NIPSNAP3B: variants seen among roughly 807,000 people sequenced by gnomAD.
NIPSNAP3B encodes the protein protein NipSnap homolog 3B.
In NIPSNAP3B, 30 loss-of-function variants were observed where a neutral mutation model predicts 31.5. The observed-to-expected ratio is 0.95, with a 90% CI of 0.71 to 1.29. NIPSNAP3B has a LOEUF of 1.29. NIPSNAP3B is among the 50% of genes most tolerant of loss of function. The pLI is 0.00. For missense variants in NIPSNAP3B, 269 were observed against 300.7 expected (o/e 0.89, Z 0.78); for synonymous variants, 106 against 107.9 (o/e 0.98, Z 0.11).
In NIPSNAP3B at chr9:104,770,941, T is replaced by C. The variant is rs1431482504; in HGVS notation, c.523T>C (p.Leu175=). 6.2e-7 allele frequency: 1 copy of C among 1,614,004 alleles called. No individual in the cohort carries two copies. The highest frequency in any genetic ancestry group is 1.1e-5 in the South Asian group (1 of 91,078). The change falls in exon 4 of 6, where the codon TTA becomes CTA. Residue 175 remains leucine (L), a synonymous_variant. Coordinates refer to ENST00000374762, the MANE Select transcript of NIPSNAP3B (RefSeq NM_018376.4). Reference sequence around the variant, plus strand: ...AAGAGCAATTAATGCCCATGTCAATTTAGGCTACACAAAAGTAGTTGGTGT... The same window carrying C: ...AAGAGCAATTAATGCCCATGTCAATCTAGGCTACACAAAAGTAGTTGGTGT... The part of the protein sequence containing the change: ...FERAINAHVN[L]GYTKVVGVFH...
the NIPSNAP3B span, chr9:104,788,653 T>C: frequency 1.3e-6 from 2 of 1,482,544 alleles, no homozygotes; most frequent in Non-Finnish European, 1.9e-6. Context: ...CTGTAAAGTA[T>C]GCTTCTCCAT....
At chr9:104,784,462 A>G in the NIPSNAP3B span, 2 of 1,613,920 alleles carry the variant, frequency 1.2e-6, no homozygotes, top group Non-Finnish European at 1.7e-6. Context: ...ATACCTGTTA[A>G]AAGATTAAGA....
chr9:104,787,759 G>C, the NIPSNAP3B span: 1 of 903,522 alleles, frequency 1.1e-6, no homozygotes, highest in Non-Finnish European at 1.3e-6. Context: ...ACCCCAGTGT[G>C]TGCCAAGGGA....
In NIPSNAP3B at chr9:104,777,718, A is replaced by G. The variant is rs796323024; in HGVS notation, c.*4645A>G. 2.6e-5 allele frequency among the ~76,000 whole-genome samples: 4 copies of G among 152,330 alleles called. No homozygotes were observed. Among genetic ancestry groups the G allele is most frequent in the African/African-American group, 9.6e-5 (4 of 41,570 alleles). ...ACGATGATGCCCAGGTGCAGCCTAT[A>G]TTATTAACAGACAAGGAAAGAATCC... On this transcript the variant is annotated 3_prime_UTR_variant, in exon 6 of 6. Coordinates refer to ENST00000374762, the MANE Select transcript of NIPSNAP3B (RefSeq NM_018376.4).
downstream of NIPSNAP3B, among the ~76,000 whole-genome samples, chr9:104,778,274 A>G (rs541537851): frequency 1.8e-3 from 276 of 152,156 alleles, no homozygotes; most frequent in Non-Finnish European, 2.9e-3. Context: ...CTTGTTGCCC[A>G]GGCTGGAGTG....
intron 2 of NIPSNAP3B, 143 bp downstream of exon 2, chr9:104,766,678 T>A (rs541284742): frequency 1.3e-6 from 1 of 750,830 alleles, no homozygotes; most frequent in South Asian, 1.8e-5. Context: ...AAAAATAAAT[T>A]TAGCAGATCT....
chr9:104,785,507 G>A, the NIPSNAP3B span: 6 of 1,614,026 alleles, frequency 3.7e-6, no homozygotes, highest in Non-Finnish European at 5.1e-6. Context: ...ATGGAAGCTG[G>A]TATTGTAGCA....
Position 104,773,553 on chromosome 9 carries a change from G to T in NIPSNAP3B, c.*480G>T. 1 of 152,894 alleles carries T rather than the reference G, an allele frequency of 6.5e-6. No individual in the cohort carries two copies. Among genetic ancestry groups the T allele is most frequent in the Non-Finnish European group, 1.5e-5 (1 of 68,536 alleles). 9.5% of individuals were successfully genotyped at this position (152,894 alleles called of 1,614,324 possible). On this transcript the variant is annotated 3_prime_UTR_variant, in exon 6 of 6. Coordinates refer to ENST00000374762, the MANE Select transcript of NIPSNAP3B (RefSeq NM_018376.4). ...TAAAATGGGATTTATAAAAATATTAGATTGTTTATTTCTTTACTGTGGAAA... is the reference window on the plus strand; with the variant it reads ...TAAAATGGGATTTATAAAAATATTATATTGTTTATTTCTTTACTGTGGAAA...
Position 104,776,380 on chromosome 9 carries a change from A to G in NIPSNAP3B, c.*3307A>G, listed in dbSNP as rs1399072736. Among the ~76,000 whole-genome samples the G allele has an allele frequency of 8.8e-5, 9 of 102,326 alleles. No individual in the cohort carries two copies. The highest frequency in any genetic ancestry group is 1.6e-4 in the Non-Finnish European group (8 of 48,816). 67.1% of individuals were successfully genotyped at this position (102,326 alleles called of 152,430 possible). ...TCCCACAGTGGCCCCTATCTGCTAGAGACTGAATGTTTTTGTCCCCCCAAA... is the reference window on the plus strand; with the variant it reads ...TCCCACAGTGGCCCCTATCTGCTAGGGACTGAATGTTTTTGTCCCCCCAAA... On this transcript the variant is annotated 3_prime_UTR_variant, in exon 6 of 6. Transcript: ENST00000374762.
chr9:104,789,684 A>G, the NIPSNAP3B span, among the ~76,000 whole-genome samples: 1 of 152,354 alleles, frequency 6.6e-6, no homozygotes, highest in South Asian at 2.1e-4. Flanking sequence ...TTTAGGTTAT[A>G]CATGTGTCTA....
In NIPSNAP3B at chr9:104,775,243, A is replaced by C. The variant is rs545770716; in HGVS notation, c.*2170A>C. On this transcript the variant is annotated 3_prime_UTR_variant, in exon 6 of 6. Coordinates refer to ENST00000374762, the MANE Select transcript of NIPSNAP3B (RefSeq NM_018376.4). ...CCCCATTTTTTTCCTTTACAATATG[A>C]CTCAAAAGAGTAGTTCATACTTCCT... 1.7e-4 allele frequency among the ~76,000 whole-genome samples: 26 copies of C among 151,254 alleles called. 1 individual carries two copies. Among genetic ancestry groups the C allele is most frequent in the South Asian group, 1.7e-3 (8 of 4,774 alleles).
rs1828337039 is a variant in NIPSNAP3B, at chr9:104,776,395, G to T, written c.*3322G>T. On this transcript the variant is annotated 3_prime_UTR_variant, in exon 6 of 6. Transcript: ENST00000374762. ...TATCTGCTAGAGACTGAATGTTTTTGTCCCCCCAAAATTCCTATGTTGAAG... is the reference window on the plus strand; with the variant it reads ...TATCTGCTAGAGACTGAATGTTTTTTTCCCCCCAAAATTCCTATGTTGAAG... Among the ~76,000 whole-genome samples, 1 of 53,004 alleles carries T rather than the reference G, an allele frequency of 1.9e-5. No homozygotes were observed. Among genetic ancestry groups the T allele is most frequent in the African/African-American group, 7.1e-5 (1 of 13,994 alleles). The allele number at this position is 53,004 out of a possible 152,430, so 34.8% of individuals were successfully genotyped here. A position where few individuals can be genotyped will look rare whatever the true frequency, so the allele number is the denominator to read the frequency against.
the NIPSNAP3B span, among the ~76,000 whole-genome samples, chr9:104,786,056 A>G: frequency 8.5e-5 from 13 of 152,216 alleles, no homozygotes; most frequent in Admixed American, 3.3e-4. Flanking sequence ...GCTAGGAGGT[A>G]GATCTTCCAG....
chr9:104,764,409 C>T, intron 1 of NIPSNAP3B, 109 bp downstream of exon 1: 1 of 923,130 alleles, frequency 1.1e-6, no homozygotes, highest in Non-Finnish European at 1.5e-6. Flanking sequence ...CCTGGGGCCC[C>T]GCGCCGCCGC....
At position 104,764,216 on chromosome 9, in the gene NIPSNAP3B, C is replaced by G. The variant is rs1828038552; in HGVS notation, c.-25C>G. The stretch of plus-strand genomic sequence containing the variant: ...GTCTCACAAAGGACTCGGCTGGCTG[C>G]TTTTCTCAGTGCCGAAGCCGCGCCA... On this transcript the variant is annotated 5_prime_UTR_variant, in exon 1 of 6. Transcript: ENST00000374762. The G allele has an allele frequency of 5.0e-6, 8 of 1,595,534 alleles. No homozygotes were observed. Among genetic ancestry groups the G allele is most frequent in the South Asian group, 2.3e-5 (2 of 88,068 alleles).
downstream of NIPSNAP3B, among the ~76,000 whole-genome samples, chr9:104,778,921 A>T (rs1828387664): frequency 6.6e-6 from 1 of 152,076 alleles, no homozygotes; most frequent in Non-Finnish European, 1.5e-5. Context: ...GGCTGGCGAG[A>T]TCCTGTGAGA....
At chr9:104,780,472 T>A (rs1388357075), downstream of NIPSNAP3B, among the ~76,000 whole-genome samples, 1 of 152,228 alleles carries the variant, frequency 6.6e-6, no homozygotes, top group African/African-American at 2.4e-5. Flanking sequence ...TTATCAGCAC[T>A]GCTCATATGT....
At chr9:104,783,255 T>C in the NIPSNAP3B span, 6 of 152,346 alleles carry the variant, frequency 3.9e-5, no homozygotes, top group East Asian at 1.2e-3. Context: ...CTGATAGAAC[T>C]TAAAATTCCA....
the NIPSNAP3B span, chr9:104,786,336 C>T: frequency 6.2e-7 from 1 of 1,614,146 alleles, no homozygotes; most frequent in African/African-American, 1.3e-5. Flanking sequence ...GGCACCTGAA[C>T]CTTCCATTGA....
Sources: allele counts gnomAD v4.1 joint callset (sites outside exome capture counted in the v4.1 genomes callset), GRCh38; gene constraint gnomAD v4.1.1; transcripts MANE v1.5; gene names NCBI Gene and HGNC (gene_info 2026-07-23, HGNC 2026-07-21).